UTS2B: variants seen among roughly 807,000 people sequenced by gnomAD.
UTS2B encodes the protein urotensin 2B, also known as urotensin-2B.
Under a neutral mutation model 19.2 loss-of-function variants are expected in UTS2B, and 21 were observed. That is an observed-to-expected ratio of 1.09 (90% CI 0.78 to 1.58). UTS2B has a LOEUF of 1.58. Among genes scored for constraint, UTS2B ranks in the 40% most tolerant of loss-of-function variants. UTS2B has a pLI of 0.00. For synonymous variants in UTS2B, 57 were observed against 50.2 expected (o/e 1.14, Z -0.58); for missense variants, 138 against 130.3 (o/e 1.06, Z -0.29).
At chr3:191,329,747 C>G in intron 1 of UTS2B, 5 of 1,602,148 alleles carry the variant, frequency 3.1e-6, no homozygotes, top group Non-Finnish European at 4.3e-6. Flanking sequence ...AGGGAGAGCG[C>G]GCGGGACCCT....
At chr3:191,341,765 A>G in the UTS2B span, among the ~76,000 whole-genome samples, 7 of 152,238 alleles carry the variant, frequency 4.6e-5, no homozygotes, top group African/African-American at 1.7e-4. Flanking sequence ...ATGGAGAGCC[A>G]AAGGGTTGAC....
intron 2 of UTS2B, among the ~76,000 whole-genome samples, chr3:191,322,388 T>C (rs1717634371): frequency 6.6e-6 from 1 of 152,218 alleles, no homozygotes; most frequent in Non-Finnish European, 1.5e-5. Context: ...AGTAGACCTA[T>C]CTTGGTTAAA....
At chr3:191,293,656 TA>T (rs1269291959) in intron 4 of UTS2B, among the ~76,000 whole-genome samples, 3 of 152,034 alleles carry the variant, frequency 2.0e-5, no homozygotes, top group African/African-American at 7.3e-5. Context: ...AGCCATGAGA[TA>T]TACAGACATT....
chr3:191,319,781 G>A (rs189983522), intron 2 of UTS2B, among the ~76,000 whole-genome samples: 16 of 150,528 alleles, frequency 1.1e-4, no homozygotes, highest in Middle Eastern at 3.5e-3. Context: ...GGCAGGAGAC[G>A]TGCTTGAACC....
chr3:191,280,481 G>C (rs1716355953), intron 5 of UTS2B, among the ~76,000 whole-genome samples: 1 of 152,130 alleles, frequency 6.6e-6, no homozygotes, highest in South Asian at 2.1e-4. Flanking sequence ...AAGTCAAATA[G>C]TGGATATAAA....
At chr3:191,339,487 T>A in the UTS2B span, among the ~76,000 whole-genome samples, 1 of 152,306 alleles carries the variant, frequency 6.6e-6, no homozygotes, top group Admixed American at 6.5e-5. Flanking sequence ...TGCCCCTGAT[T>A]TTCTTTCATT....
At chr3:191,272,374 C>G (rs2886062) in intron 8 of UTS2B, among the ~76,000 whole-genome samples, 115,826 of 152,164 alleles carry the variant, frequency 0.76, 44,649 homozygotes, top group African/African-American at 0.89. Flanking sequence ...TGCTAAAACT[C>G]GCATCTGCAA....
chr3:191,298,232 C>A (rs1258761427), intron 4 of UTS2B, among the ~76,000 whole-genome samples: 1 of 151,526 alleles, frequency 6.6e-6, no homozygotes, highest in Non-Finnish European at 1.5e-5. Flanking sequence ...CATTGAATTC[C>A]AAAAAAAACA....
chr3:191,314,256 C>A (rs1717388091), intron 3 of UTS2B, among the ~76,000 whole-genome samples: 1 of 152,126 alleles, frequency 6.6e-6, no homozygotes, highest in African/African-American at 2.4e-5. Context: ...TACATATATG[C>A]AGTACAGGCT....
upstream of UTS2B, among the ~76,000 whole-genome samples, chr3:191,334,395 T>G (rs770900550): frequency 4.6e-5 from 7 of 152,164 alleles, no homozygotes; most frequent in African/African-American, 7.2e-5. Context: ...AAATATATAT[T>G]TTTTAAACAG....
chr3:191,344,661 C>G, the UTS2B span, among the ~76,000 whole-genome samples: 2 of 152,198 alleles, frequency 1.3e-5, no homozygotes, highest in Non-Finnish European at 2.9e-5. Context: ...TCACTGCAAC[C>G]TCTGCCTCCT....
At chr3:191,309,668 T>C (rs187351984) in intron 3 of UTS2B, among the ~76,000 whole-genome samples, 2 of 152,282 alleles carry the variant, frequency 1.3e-5, no homozygotes, top group Admixed American at 6.5e-5. Context: ...AATGGATTAG[T>C]ACCAACCCCT....
chr3:191,304,173 G>A (rs907920022), intron 4 of UTS2B, among the ~76,000 whole-genome samples: 4 of 152,156 alleles, frequency 2.6e-5, no homozygotes, highest in Non-Finnish European at 5.9e-5. Context: ...GCCCAGGCTG[G>A]TCAAGAACTC....
intron 2 of UTS2B, among the ~76,000 whole-genome samples, chr3:191,326,533 T>G (rs1324355700): frequency 1.3e-5 from 2 of 152,250 alleles, no homozygotes; most frequent in African/African-American, 4.8e-5. Flanking sequence ...CCATATTGCC[T>G]TATAAATAAA....
At chr3:191,343,696 C>T in the UTS2B span, among the ~76,000 whole-genome samples, 3 of 152,148 alleles carry the variant, frequency 2.0e-5, no homozygotes, top group East Asian at 5.8e-4. Context: ...AATGTTTCTT[C>T]AGTTGTGACT....
At chr3:191,294,683 T>C (rs1716810100) in intron 4 of UTS2B, 1 of 151,544 alleles carries the variant, frequency 6.6e-6, no homozygotes, top group South Asian at 2.1e-4. Flanking sequence ...CTTTTATAGC[T>C]TGCATCTTTA....
chr3:191,338,121 A>G, the UTS2B span, among the ~76,000 whole-genome samples: 1 of 152,208 alleles, frequency 6.6e-6, no homozygotes, highest in African/African-American at 2.4e-5. Context: ...TAGTAAAACT[A>G]TGAATGACTT....
intron 1 of UTS2B, chr3:191,329,781 C>T (rs1216149650): frequency 1.9e-6 from 3 of 1,569,176 alleles, no homozygotes; most frequent in Non-Finnish European, 1.7e-6. Flanking sequence ...CCGAGGTTCT[C>T]TCAGGTCAGG....
At chr3:191,279,765 T>G (rs1716333894) in intron 5 of UTS2B, among the ~76,000 whole-genome samples, 1 of 152,036 alleles carries the variant, frequency 6.6e-6, no homozygotes, top group Non-Finnish European at 1.5e-5. Context: ...AAAAACCTCT[T>G]TTATGGGAGT....
Sources: gnomAD v4.1 joint callset for allele counts (sites outside exome capture counted in the v4.1 genomes callset) on GRCh38, gnomAD v4.1.1 for gene constraint, MANE v1.5 for transcripts, NCBI Gene and HGNC (gene_info 2026-07-23, HGNC 2026-07-21) for gene names.